The following MACROD2 variants were observed in gnomAD, a reference collection of about 807,000 sequenced individuals.
MACROD2 encodes the protein ADP-ribose glycohydrolase MACROD2.
A neutral mutation model predicts 70.4 loss-of-function variants in MACROD2; 36 were observed. The ratio of observed to expected loss-of-function variants is 0.51; its 90% CI spans 0.39 to 0.68. The LOEUF is 0.68. Ranked by LOEUF, MACROD2 falls within the 30% of genes least tolerant of loss-of-function variation. MACROD2 has a pLI of 0.00. For synonymous variants in MACROD2, 172 were observed against 178.8 expected, an observed-to-expected ratio of 0.96 and a Z score of 0.30; for missense variants, 496 against 538.4, an observed-to-expected ratio of 0.92 and a Z score of 0.78.
At chr20:15,620,490 T>G (rs990961025) in intron 8 of MACROD2, among the ~76,000 whole-genome samples, 1 of 152,164 alleles carries the variant, frequency 6.6e-6, no homozygotes, top group African/African-American at 2.4e-5. Flanking sequence ...TTGTAATGGC[T>G]CCTACCTCAG....
intron 5 of MACROD2, among the ~76,000 whole-genome samples, chr20:15,079,595 C>T (rs1230132310): frequency 6.6e-6 from 1 of 152,112 alleles, no homozygotes; most frequent in Non-Finnish European, 1.5e-5. Context: ...CCTTAACATT[C>T]ACACCTCCCT....
At chr20:14,682,838 A>G (rs1480503853) in intron 4 of MACROD2, among the ~76,000 whole-genome samples, 1 of 152,198 alleles carries the variant, frequency 6.6e-6, no homozygotes, top group Non-Finnish European at 1.5e-5. Context: ...ATTTTAACAA[A>G]ATATATTAAT....
chr20:14,563,401 G>A (rs1029803898), intron 4 of MACROD2, among the ~76,000 whole-genome samples: 3 of 151,908 alleles, frequency 2.0e-5, no homozygotes, highest in Admixed American at 6.6e-5. Flanking sequence ...ATATTTAAAC[G>A]TTAGCAGTTA....
intron 3 of MACROD2, among the ~76,000 whole-genome samples, chr20:14,424,701 G>A (rs1404796843): frequency 6.6e-6 from 1 of 152,158 alleles, no homozygotes; most frequent in Non-Finnish European, 1.5e-5. Flanking sequence ...CTGGAAGGTG[G>A]CAGTATTTAT....
intron 4 of MACROD2, among the ~76,000 whole-genome samples, chr20:14,518,882 A>G (rs2085133298): frequency 6.6e-6 from 1 of 152,166 alleles, no homozygotes; most frequent in Non-Finnish European, 1.5e-5. Flanking sequence ...AGGCTTTTTG[A>G]AAAATCACAA....
At chr20:15,478,360 C>G (rs2047049914) in intron 7 of MACROD2, among the ~76,000 whole-genome samples, 1 of 152,124 alleles carries the variant, frequency 6.6e-6, no homozygotes, top group African/African-American at 2.4e-5. Context: ...CCTGTCCCCT[C>G]TAGGGGCCAG....
chr20:14,500,495 A>T (rs1479911680), intron 4 of MACROD2, among the ~76,000 whole-genome samples: 2 of 152,148 alleles, frequency 1.3e-5, no homozygotes, highest in African/African-American at 2.4e-5. Flanking sequence ...TAAAAGTTTA[A>T]CTTAGCCCTG....
chr20:14,634,240 A>C (rs1984664974), intron 4 of MACROD2, among the ~76,000 whole-genome samples: 1 of 152,222 alleles, frequency 6.6e-6, no homozygotes, highest in South Asian at 2.1e-4. Context: ...CCACATTACC[A>C]GCTTGAGTTA....
At chr20:15,499,006 A>T (rs981598064) in intron 7 of MACROD2, among the ~76,000 whole-genome samples, 1 of 152,184 alleles carries the variant, frequency 6.6e-6, no homozygotes, top group Admixed American at 6.5e-5. Flanking sequence ...GTAAATATAT[A>T]CATTGATAAG....
At chr20:16,008,530 C>T (rs1038854517) in intron 15 of MACROD2, among the ~76,000 whole-genome samples, 1 of 152,210 alleles carries the variant, frequency 6.6e-6, no homozygotes, top group Non-Finnish European at 1.5e-5. Flanking sequence ...TGAAGCCAGA[C>T]TACCTCAGTT....
intron 3 of MACROD2, among the ~76,000 whole-genome samples, chr20:14,429,267 A>G (rs922781517): frequency 2.0e-5 from 3 of 152,168 alleles, no homozygotes; most frequent in African/African-American, 7.2e-5. Context: ...CCAGACCTTT[A>G]TAATTTATAA....
At chr20:14,612,069 A>T (rs971766977) in intron 4 of MACROD2, among the ~76,000 whole-genome samples, 3 of 152,116 alleles carry the variant, frequency 2.0e-5, no homozygotes, top group African/African-American at 7.2e-5. Flanking sequence ...TTGGCATTTA[A>T]AAATACTGGG....
chr20:14,496,648 A>AAGAGTGAAATCATAAAC (rs2084856220), intron 4 of MACROD2, among the ~76,000 whole-genome samples: 2 of 151,956 alleles, frequency 1.3e-5, no homozygotes, highest in African/African-American at 4.8e-5. Context: ...TGATGTGATT[A>AAGAGTGAAATCATAAAC]CTTCTACTCA....
At chr20:15,613,528 A>G (rs865797346) in intron 8 of MACROD2, among the ~76,000 whole-genome samples, 4 of 152,224 alleles carry the variant, frequency 2.6e-5, no homozygotes, top group East Asian at 3.8e-4. Context: ...TGCCCCCTGC[A>G]TTAGCATGTG....
intron 6 of MACROD2, among the ~76,000 whole-genome samples, chr20:15,330,397 C>T (rs1253010615): frequency 1.3e-5 from 2 of 148,460 alleles, no homozygotes; most frequent in Non-Finnish European, 2.9e-5. Context: ...AGCAGGCAGC[C>T]CTGCCTTCAG....
In MACROD2 at chr20:16,036,281, CT is replaced by C. The variant is rs780916847; in HGVS notation, c.1154-4919del. On this transcript the variant is annotated intron_variant, in intron 15 of 17. Transcript: ENST00000684519. ...CTCAAAAGAAAAGCTTGGAGGACTC[CT>C]CCCCCGGCCAGCATCTCTCACGTTT... Among the ~76,000 whole-genome samples, 46 of 63,526 alleles carry C rather than the reference CT, an allele frequency of 7.2e-4. No individual in the cohort carries two copies. In the East Asian group the frequency reaches 0.014, roughly 19 times the overall value. The allele number at this position is 63,526 out of a possible 152,430, so 41.7% of individuals were successfully genotyped here.
intron 6 of MACROD2, among the ~76,000 whole-genome samples, chr20:15,236,985 T>G (rs2077019015): frequency 1.3e-5 from 2 of 152,082 alleles, no homozygotes; most frequent in Admixed American, 6.5e-5. Flanking sequence ...GACCATTTTG[T>G]GAGGGTGGTT....
intron 3 of MACROD2, among the ~76,000 whole-genome samples, chr20:14,362,698 G>A (rs1383577372): frequency 1.3e-5 from 2 of 152,036 alleles, no homozygotes; most frequent in Non-Finnish European, 2.9e-5. Context: ...AGTTCCTTTG[G>A]GAGGAAGAGA....
chr20:14,674,585 G>C (rs2070836006), intron 4 of MACROD2, among the ~76,000 whole-genome samples: 1 of 152,134 alleles, frequency 6.6e-6, no homozygotes, highest in African/African-American at 2.4e-5. Flanking sequence ...AATCTCTGCT[G>C]TCTGACACCT....
Sources: allele counts gnomAD v4.1 joint callset (sites outside exome capture counted in the v4.1 genomes callset), GRCh38; gene constraint gnomAD v4.1.1; transcripts MANE v1.5; gene names NCBI Gene and HGNC (gene_info 2026-07-23, HGNC 2026-07-21).